SLC24A5: variants seen among roughly 807,000 people sequenced by gnomAD.
The protein encoded by SLC24A5 is sodium/potassium/calcium exchanger 5.
Under a neutral mutation model 51.6 loss-of-function variants are expected in SLC24A5, and 46 were observed. The ratio of observed to expected loss-of-function variants is 0.89; its 90% CI spans 0.70 to 1.14. The LOEUF (loss-of-function observed/expected upper bound fraction) is 1.14, where lower values mean the gene tolerates loss of function less well. SLC24A5 is among the 50% of genes most tolerant of loss of function. SLC24A5 has a pLI of 0.00. For synonymous variants in SLC24A5, 230 were observed against 214.9 expected (o/e 1.07, Z -0.62); for missense variants, 581 against 604.1 (o/e 0.96, Z 0.40).
At chr15:48,122,303 G>T (rs2038688032) in intron 2 of SLC24A5, 2 of 580,018 alleles carry the variant, frequency 3.4e-6, no homozygotes. Context: ...CTACTGCCTG[G>T]ATGTTTGTTA....
rs11344363 is a variant in SLC24A5, at chr15:48,122,407, CT to C, written c.301+379del. 4,575 of 345,760 alleles carry C rather than the reference CT, an allele frequency of 0.013. 353 individuals carry two copies. The East Asian group carries it at 0.17, about 13-fold the overall frequency. 21.4% of individuals were successfully genotyped at this position (345,760 alleles called of 1,614,324 possible). ...ATTTGCCATTTTATGCTTCAAAAAA[CT>C]TTTTTTTATTTTTACTCTAAGCTCG... On this transcript the variant is annotated intron_variant, in intron 2 of 8. Transcript: ENST00000341459.
At chr15:48,124,849 C>A (rs1398744006) in intron 2 of SLC24A5, among the ~76,000 whole-genome samples, 1 of 152,156 alleles carries the variant, frequency 6.6e-6, no homozygotes, top group Non-Finnish European at 1.5e-5. Context: ...ACTGCCAAAT[C>A]TTCAGCTGTT....
intron 2 of SLC24A5, among the ~76,000 whole-genome samples, chr15:48,130,011 T>G (rs1295184116): frequency 1.3e-5 from 2 of 152,102 alleles, no homozygotes; most frequent in African/African-American, 4.8e-5. Context: ...CATTATAAAC[T>G]TTCTAACATG....
chr15:48,133,523 C>T (rs772412280), intron 2 of SLC24A5, among the ~76,000 whole-genome samples: 20 of 152,060 alleles, frequency 1.3e-4, no homozygotes, highest in South Asian at 1.0e-3. Flanking sequence ...TGTAGTATTA[C>T]GTATTTTCTT....
intron 2 of SLC24A5, among the ~76,000 whole-genome samples, chr15:48,132,829 A>C (rs1220588422): frequency 6.6e-6 from 1 of 152,154 alleles, no homozygotes; most frequent in Non-Finnish European, 1.5e-5. Context: ...ACAAAGTAGC[A>C]GGACTTACCA....
At position 48,138,980 on chromosome 15, in the gene SLC24A5, GT is replaced by G; in HGVS notation, c.887del (p.Phe296SerfsTer8). ...TTTTTCCACAACAGATCCACCAAGT[GT>G]TTTCAACATGCCTGAAGCAGACTTA... ...LSQVSEDPPSVFNMPEADLKR... is the reference protein window; with the variant it reads ...LSQVSEDPPSXFNMPEADLKR... On this transcript the variant is annotated frameshift_variant, in exon 7 of 9. Coordinates refer to ENST00000341459, the MANE Select transcript of SLC24A5 (RefSeq NM_205850.3). LOFTEE classifies it high-confidence loss of function. The G allele has an allele frequency of 6.2e-7, 1 of 1,611,824 alleles. No homozygotes were observed. The highest frequency in any genetic ancestry group is 8.5e-7 in the Non-Finnish European group (1 of 1,178,762).
intron 6 of SLC24A5, chr15:48,137,708 A>G (rs973053585): frequency 6.6e-6 from 1 of 152,118 alleles, no homozygotes; most frequent in Admixed American, 6.6e-5. Context: ...AGGAACAAAG[A>G]CACCTCCTAT....
intron 2 of SLC24A5, among the ~76,000 whole-genome samples, chr15:48,133,684 A>G (rs2038825505): frequency 1.3e-5 from 2 of 152,288 alleles, no homozygotes; most frequent in East Asian, 3.9e-4. Flanking sequence ...TGTGACTATC[A>G]GCCAAATTCA....
chr15:48,125,450 A>T (rs905505501), intron 2 of SLC24A5, among the ~76,000 whole-genome samples: 4 of 152,112 alleles, frequency 2.6e-5, no homozygotes, highest in African/African-American at 9.7e-5. Context: ...TCTAATGCCA[A>T]AACTCAAGCA....
chr15:48,138,775 C>T, intron 6 of SLC24A5, 194 bp from the exon 7 acceptor site: 1 of 554,088 alleles, frequency 1.8e-6, no homozygotes, highest in East Asian at 2.9e-5. Flanking sequence ...AGTATCACAT[C>T]TTACATTGTC....
rs1418117933 is a variant in SLC24A5, at chr15:48,141,223, T to C, written c.1180+9T>C. On this transcript the variant is annotated intron_variant, in intron 8 of 8. Coordinates refer to ENST00000341459, the MANE Select transcript of SLC24A5 (RefSeq NM_205850.3). Reference sequence around the variant, plus strand: ...GTTGGTTGCAAGAAAAGGTAAGAACTAGGTCCCTCAAGCTGCAATGGTCAT... The same window carrying C: ...GTTGGTTGCAAGAAAAGGTAAGAACCAGGTCCCTCAAGCTGCAATGGTCAT... 6.3e-7 allele frequency: 1 copy of C among 1,594,274 alleles called. No individual in the cohort carries two copies. Among genetic ancestry groups the C allele is most frequent in the African/African-American group, 1.3e-5 (1 of 74,480 alleles).
intron 2 of SLC24A5, among the ~76,000 whole-genome samples, chr15:48,128,988 T>G (rs1199143437): frequency 6.6e-6 from 1 of 152,166 alleles, no homozygotes; most frequent in East Asian, 1.9e-4. Context: ...GGGAAAGTTA[T>G]GGAACAAAAA....
intron 2 of SLC24A5, among the ~76,000 whole-genome samples, chr15:48,124,908 G>T (rs1336387081): frequency 1.3e-5 from 2 of 152,180 alleles, no homozygotes; most frequent in African/African-American, 2.4e-5. Flanking sequence ...AACAAAATGA[G>T]ATAGAAATAG....
intron 7 of SLC24A5, 26 bp downstream of exon 7, chr15:48,139,201 A>C: frequency 1.3e-6 from 2 of 1,557,362 alleles, no homozygotes; most frequent in Non-Finnish European, 1.8e-6. Context: ...ACAATAGCAC[A>C]ACTTGAAAAT....
At chr15:48,124,908 GAT>G in intron 2 of SLC24A5, among the ~76,000 whole-genome samples, 1 of 152,298 alleles carries the variant, frequency 6.6e-6, no homozygotes, top group Non-Finnish European at 1.5e-5. Flanking sequence ...AACAAAATGA[GAT>G]AGAAATAGTG....
Position 48,139,125 on chromosome 15 carries a change from T to C in SLC24A5, c.1028T>C (p.Ile343Thr). Reference protein sequence around the residue: ...YFVITFFMSAIWISAFTYILV... With the variant: ...YFVITFFMSATWISAFTYILV... ...GTGATAACCTTTTTCATGTCTGCAATATGGATATCCGCATTTACATATATC... is the reference window on the plus strand; with the variant it reads ...GTGATAACCTTTTTCATGTCTGCAACATGGATATCCGCATTTACATATATC... The change falls in exon 7 of 9, where the codon ATA becomes ACA. Residue 343 changes from isoleucine to threonine, a missense_variant. Ile to Thr is a moderately conservative substitution (Grantham distance 89, BLOSUM62 -1). Coordinates refer to ENST00000341459, the MANE Select transcript of SLC24A5 (RefSeq NM_205850.3). 5.0e-6 allele frequency: 8 copies of C among 1,613,076 alleles called. No individual in the cohort carries two copies. Among genetic ancestry groups the C allele is most frequent in the Non-Finnish European group, 6.8e-6 (8 of 1,179,354 alleles).
intron 2 of SLC24A5, among the ~76,000 whole-genome samples, chr15:48,129,259 T>C (rs1015846694): frequency 2.6e-5 from 4 of 152,142 alleles, no homozygotes; most frequent in African/African-American, 7.2e-5. Context: ...TCCCAGAGCA[T>C]ATACATGCAG....
At position 48,137,140 on chromosome 15, in the gene SLC24A5, A is replaced by G. The variant is rs2038921063; in HGVS notation, c.871+177A>G. On this transcript the variant is annotated intron_variant, in intron 6 of 8. Coordinates refer to ENST00000341459, the MANE Select transcript of SLC24A5 (RefSeq NM_205850.3). ...CTTCCAATATCACAGGAAATACAAA[A>G]TAGCTAAAGTATGAACGTTAAGTAC... 1.1e-5 allele frequency: 7 copies of G among 615,346 alleles called. No homozygotes were observed. In the South Asian group the frequency reaches 1.8e-4, roughly 16 times the overall value. The allele number at this position is 615,346 out of a possible 1,614,324, so 38.1% of individuals were successfully genotyped here.
chr15:48,141,731 G>C (rs1188951497), intron 8 of SLC24A5: 1 of 200,374 alleles, frequency 5.0e-6, no homozygotes, highest in African/African-American at 2.3e-5. Context: ...CATTTGAAAT[G>C]TGTGTTAAAT....
Sources: gnomAD v4.1 joint callset for allele counts (sites outside exome capture counted in the v4.1 genomes callset) on GRCh38, gnomAD v4.1.1 for gene constraint, MANE v1.5 for transcripts, NCBI Gene and HGNC (gene_info 2026-07-23, HGNC 2026-07-21) for gene names.